The following ATP10B variants were observed in gnomAD, a reference collection of about 807,000 sequenced individuals.
ATP10B encodes the protein ATPase phospholipid transporting 10B (putative), also known as phospholipid-transporting ATPase VB.
In ATP10B, 122 loss-of-function variants were observed where a neutral mutation model predicts 141.2. That is an observed-to-expected ratio of 0.86 (90% CI 0.75 to 1.00). The LOEUF (loss-of-function observed/expected upper bound fraction) is 1.00. Ranked by LOEUF, ATP10B falls within the 50% of genes least tolerant of loss-of-function variation. The probability of loss-of-function intolerance (pLI) is 0.00; values close to 1 mark genes in which losing one functional copy is unlikely to be tolerated. For synonymous variants in ATP10B, 685 were observed against 692.0 expected, an observed-to-expected ratio of 0.99 and a Z score of 0.16; for missense variants, 1,876 against 1,825.3, an observed-to-expected ratio of 1.03 and a Z score of -0.51.
chr5:160,774,317 C>G (rs1039181945), intron 2 of ATP10B, among the ~76,000 whole-genome samples: 1 of 152,194 alleles, frequency 6.6e-6, no homozygotes, highest in Non-Finnish European at 1.5e-5. Context: ...ACATTTCCCC[C>G]GGAGAAGCAG....
the ATP10B span, among the ~76,000 whole-genome samples, chr5:160,868,667 G>T: frequency 1.7e-4 from 26 of 151,878 alleles, no homozygotes; most frequent in Admixed American, 9.2e-4. Context: ...ATAGCATGAT[G>T]CTACCCCAAG....
intron 1 of ATP10B, among the ~76,000 whole-genome samples, chr5:160,790,061 T>C (rs1771457098): frequency 6.6e-6 from 1 of 152,142 alleles, no homozygotes; most frequent in Non-Finnish European, 1.5e-5. Flanking sequence ...AAGGAGAAAG[T>C]ACAATGAGGC....
chr5:160,654,642 GGTAA>G (rs758543240), intron 7 of ATP10B, among the ~76,000 whole-genome samples: 4 of 152,110 alleles, frequency 2.6e-5, no homozygotes, highest in Admixed American at 6.6e-5. Flanking sequence ...TCTCATGGTT[GGTAA>G]GTAACAGAGT....
chr5:160,612,711 T>A, intron 18 of ATP10B, 30 bp downstream of exon 18: 1 of 1,590,942 alleles, frequency 6.3e-7, no homozygotes. Context: ...CGTTGATATC[T>A]GCAGATATCA....
intron 3 of ATP10B, among the ~76,000 whole-genome samples, chr5:160,696,538 C>G (rs909541126): frequency 6.6e-6 from 1 of 152,132 alleles, no homozygotes; most frequent in South Asian, 2.1e-4. Context: ...AACTCTTGAT[C>G]CCTTATGACA....
intron 7 of ATP10B, among the ~76,000 whole-genome samples, chr5:160,654,676 G>A (rs993893235): frequency 4.6e-5 from 7 of 152,032 alleles, no homozygotes; most frequent in South Asian, 2.1e-4. Flanking sequence ...CATTCACATC[G>A]TCAGATTCCA....
At chr5:160,793,005 T>C (rs1392905239) in intron 1 of ATP10B, among the ~76,000 whole-genome samples, 6 of 152,198 alleles carry the variant, frequency 3.9e-5, no homozygotes, top group Non-Finnish European at 8.8e-5. Flanking sequence ...AGGCAACAGG[T>C]TTGTGCCTAG....
chr5:160,719,990 A>G (rs994288505), intron 2 of ATP10B, among the ~76,000 whole-genome samples: 1 of 152,216 alleles, frequency 6.6e-6, no homozygotes, highest in African/African-American at 2.4e-5. Context: ...TTGCAGCATC[A>G]ACAAATGGCA....
chr5:160,684,481 A>T (rs1247166146), intron 6 of ATP10B, among the ~76,000 whole-genome samples: 1 of 152,156 alleles, frequency 6.6e-6, no homozygotes, highest in Non-Finnish European at 1.5e-5. Flanking sequence ...TGCTCCCCCA[A>T]ATACAGTGAT....
At position 160,741,787 on chromosome 5, in the gene ATP10B, C is replaced by A. The variant is rs542749498; in HGVS notation, c.-330-24753G>T. ...GATAACTTAATAATTAGGGACAGAT[C>A]TGGAGACTAAGACTTGTCAGGTCTA... On this transcript the variant is annotated intron_variant, in intron 2 of 25. Coordinates refer to ENST00000327245, the MANE Select transcript of ATP10B (RefSeq NM_025153.3). Among the ~76,000 whole-genome samples the A allele has an allele frequency of 2.6e-5, 4 of 152,292 alleles. No homozygotes were observed. In the South Asian group the frequency reaches 8.3e-4, roughly 32 times the overall value.
At position 160,633,999 on chromosome 5, in the gene ATP10B, A is replaced by C; in HGVS notation, c.1381+355T>G. ...ACATGTCAGGTAAGGTGGCCTGAGA[A>C]ATTCCTAAGCCTTGGTTGTGTGACT... On this transcript the variant is annotated intron_variant, in intron 12 of 25. Transcript: ENST00000327245. 3 of 379,100 alleles carry C rather than the reference A, an allele frequency of 7.9e-6. No homozygotes were observed. The Admixed American group carries it at 1.1e-4, about 14-fold the overall frequency. 23.5% of individuals were successfully genotyped at this position (379,100 alleles called of 1,614,324 possible). A position where few individuals can be genotyped will look rare whatever the true frequency, so the allele number is the denominator to read the frequency against.
chr5:160,706,943 ATATTTATT>A (rs551509241), intron 3 of ATP10B, among the ~76,000 whole-genome samples: 3 of 151,640 alleles, frequency 2.0e-5, no homozygotes, highest in South Asian at 2.1e-4. Flanking sequence ...GTTTGTTTTA[ATATTTATT>A]TATTTATTTA....
rs752180615 is a variant in ATP10B at position 160,844,073 on chromosome 5, T to C, written c.-576+7868A>G. On this transcript the variant is annotated intron_variant, in intron 1 of 25. Transcript: ENST00000327245. ...TTCAAATATTAAGGGTTATTTTGAG[T>C]AAAACAACTGATACTCTCCAACAAC... is the stretch of plus-strand genomic sequence containing the variant. Among the ~76,000 whole-genome samples, 47 of 152,222 alleles carry C rather than the reference T, an allele frequency of 3.1e-4. 1 individual carries two copies. The highest frequency in any genetic ancestry group is 5.6e-4 in the Non-Finnish European group (38 of 68,000).
chr5:160,648,844 A>C (rs1355156649), intron 8 of ATP10B, among the ~76,000 whole-genome samples: 1 of 151,862 alleles, frequency 6.6e-6, no homozygotes, highest in East Asian at 1.9e-4. Flanking sequence ...CAATATAGGC[A>C]CTTAAAAAAT....
the ATP10B span, among the ~76,000 whole-genome samples, chr5:160,889,479 G>T: frequency 1.3e-5 from 2 of 152,166 alleles, no homozygotes; most frequent in Non-Finnish European, 2.9e-5. Context: ...CTGTCCTGCT[G>T]CTTCTCTCAC....
chr5:160,684,478 C>G (rs1216467362), intron 6 of ATP10B, among the ~76,000 whole-genome samples: 1 of 152,204 alleles, frequency 6.6e-6, no homozygotes, highest in Non-Finnish European at 1.5e-5. Flanking sequence ...CATTGCTCCC[C>G]CAAATACAGT....
chr5:160,839,711 C>T (rs1775698408), intron 1 of ATP10B, among the ~76,000 whole-genome samples: 1 of 152,030 alleles, frequency 6.6e-6, no homozygotes, highest in Non-Finnish European at 1.5e-5. Context: ...CAAATTTCAA[C>T]TCTATGTTGT....
the ATP10B span, among the ~76,000 whole-genome samples, chr5:160,908,647 G>T: frequency 1.3e-5 from 2 of 152,134 alleles, no homozygotes; most frequent in Admixed American, 1.3e-4. Context: ...CCCTCAGCAG[G>T]AACACAATGG....
the ATP10B span, among the ~76,000 whole-genome samples, chr5:160,918,792 C>G: frequency 6.6e-6 from 1 of 152,010 alleles, no homozygotes; most frequent in Non-Finnish European, 1.5e-5. Context: ...AGGAGGATTT[C>G]CTAGGTAAAG....
Sources: gnomAD v4.1 joint callset for allele counts (sites outside exome capture counted in the v4.1 genomes callset) on GRCh38, gnomAD v4.1.1 for gene constraint, MANE v1.5 for transcripts, NCBI Gene and HGNC (gene_info 2026-07-23, HGNC 2026-07-21) for gene names.